Variants in ARHGAP26 observed in about 807,000 individuals in gnomAD.
ARHGAP26 encodes Rho GTPase activating protein 26, also known as rho GTPase-activating protein 26.
In ARHGAP26, 38 loss-of-function variants were observed where a neutral mutation model predicts 104.8. The ratio of observed to expected loss-of-function variants is 0.36; its 90% CI spans 0.28 to 0.48. The LOEUF is 0.48. ARHGAP26 is among the 20% of genes least tolerant of loss of function. The probability of loss-of-function intolerance (pLI) is 0.99; values close to 1 mark genes in which losing one functional copy is unlikely to be tolerated. For missense variants in ARHGAP26, 704 were observed against 947.9 expected, an observed-to-expected ratio of 0.74 and a Z score of 3.38; for synonymous variants, 341 against 340.0, an observed-to-expected ratio of 1.00 and a Z score of -0.03.
At chr5:143,191,124 C>G (rs1009293615) in intron 20 of ARHGAP26, among the ~76,000 whole-genome samples, 5 of 152,152 alleles carry the variant, frequency 3.3e-5, no homozygotes, top group Non-Finnish European at 5.9e-5. Flanking sequence ...TTGCACAGCT[C>G]CATCAGTATT....
chr5:143,015,774 A>G (rs542771000), intron 12 of ARHGAP26, among the ~76,000 whole-genome samples: 1 of 152,352 alleles, frequency 6.6e-6, no homozygotes, highest in East Asian at 1.9e-4. Flanking sequence ...ACCAGCCAGA[A>G]GTTTACTTTT....
chr5:142,910,366 T>C (rs997049221), intron 9 of ARHGAP26, among the ~76,000 whole-genome samples: 2 of 152,208 alleles, frequency 1.3e-5, no homozygotes, highest in Non-Finnish European at 2.9e-5. Context: ...GAAGGAAATA[T>C]GAGGACTGGC....
At chr5:143,187,857 G>C (rs74382769) in intron 20 of ARHGAP26, among the ~76,000 whole-genome samples, 3,477 of 152,304 alleles carry the variant, frequency 0.023, 65 homozygotes, top group South Asian at 0.047. Flanking sequence ...ACTTCGTGTT[G>C]TTGCTATGTC....
chr5:143,059,069 G>T (rs1171016895), intron 17 of ARHGAP26, among the ~76,000 whole-genome samples: 1 of 152,248 alleles, frequency 6.6e-6, no homozygotes, highest in African/African-American at 2.4e-5. Flanking sequence ...TGACAGTTGA[G>T]TACCAGTTCC....
chr5:143,039,311 G>A (rs999232234), intron 13 of ARHGAP26, among the ~76,000 whole-genome samples: 4 of 151,362 alleles, frequency 2.6e-5, no homozygotes, highest in Non-Finnish European at 5.9e-5. Flanking sequence ...AGGTTCAAGC[G>A]ATTCTCCTAC....
chr5:143,173,546 C>T (rs555115533), intron 20 of ARHGAP26, among the ~76,000 whole-genome samples: 85 of 152,344 alleles, frequency 5.6e-4, no homozygotes, highest in African/African-American at 1.9e-3. Flanking sequence ...AATTCAGGCA[C>T]TTCGCTTCGC....
intron 11 of ARHGAP26, among the ~76,000 whole-genome samples, chr5:142,936,430 A>G (rs1197575888): frequency 1.3e-5 from 2 of 152,198 alleles, no homozygotes; most frequent in Non-Finnish European, 2.9e-5. Context: ...AAATCAACAT[A>G]GTAAAGATGT....
intron 1 of ARHGAP26, among the ~76,000 whole-genome samples, chr5:142,824,138 ATG>A (rs139907602): frequency 3.3e-5 from 5 of 151,004 alleles, no homozygotes; most frequent in East Asian, 1.9e-4. Context: ...TGTTGTGTGT[ATG>A]TGTGTGTGTG....
intron 11 of ARHGAP26, among the ~76,000 whole-genome samples, chr5:142,949,727 T>G (rs1277935716): frequency 6.6e-6 from 1 of 152,116 alleles, no homozygotes; most frequent in Non-Finnish European, 1.5e-5. Context: ...GGAATGTGAA[T>G]GAGCCAACTA....
At chr5:143,040,205 A>G (rs1783252273) in intron 13 of ARHGAP26, among the ~76,000 whole-genome samples, 1 of 152,214 alleles carries the variant, frequency 6.6e-6, no homozygotes, top group Admixed American at 6.5e-5. Flanking sequence ...CTTGGGACCC[A>G]TCACTTAGTT....
At chr5:142,806,976 G>A (rs1763107080) in intron 1 of ARHGAP26, among the ~76,000 whole-genome samples, 1 of 152,234 alleles carries the variant, frequency 6.6e-6, no homozygotes, top group African/African-American at 2.4e-5. Flanking sequence ...GATCCAAAGT[G>A]TGAAGGGAGC....
intron 1 of ARHGAP26, among the ~76,000 whole-genome samples, chr5:142,829,566 T>TGAGGTGTAGTGTGATATAATTG (rs1767986929): frequency 6.6e-6 from 1 of 152,094 alleles, no homozygotes; most frequent in African/African-American, 2.4e-5. Flanking sequence ...GTGGAGAGGG[T>TGAGGTGTAGTGTGATATAATTG]GAGGTGCAGT....
At chr5:143,106,620 G>T (rs2005205) in intron 17 of ARHGAP26, among the ~76,000 whole-genome samples, 118,756 of 151,338 alleles carry the variant, frequency 0.78, 49,565 homozygotes, top group Non-Finnish European at 0.92. Context: ...CTACAGGCAC[G>T]TGGCACCACG....
In ARHGAP26 at chr5:142,789,120, T is replaced by A. The variant is rs76602257; in HGVS notation, c.154+18205T>A. On this transcript the variant is annotated intron_variant, in intron 1 of 22. Transcript: ENST00000645722. ...CCCTTAAATCTTCTGTTTTCTCATT[T>A]ACAAAATGGAGACACAAGTGCTTAC... Among the ~76,000 whole-genome samples, 1,460 of 152,338 alleles carry A rather than the reference T, an allele frequency of 9.6e-3. 31 individuals are homozygous for A. The highest frequency in any genetic ancestry group is 0.033 in the African/African-American group (1,392 of 41,582).
At chr5:142,867,288 G>GGGGT (rs1274982027) in intron 1 of ARHGAP26, among the ~76,000 whole-genome samples, 2 of 143,596 alleles carry the variant, frequency 1.4e-5, no homozygotes, top group African/African-American at 5.1e-5. Context: ...ATTTGCACAG[G>GGGGT]GTGTGTGTGT....
intron 14 of ARHGAP26, among the ~76,000 whole-genome samples, chr5:143,049,725 C>T (rs1784730683): frequency 6.6e-6 from 1 of 152,168 alleles, no homozygotes; most frequent in South Asian, 2.1e-4. Flanking sequence ...GGGTATTGTA[C>T]ATAATTTGAG....
intron 1 of ARHGAP26, among the ~76,000 whole-genome samples, chr5:142,793,390 C>T (rs1760292874): frequency 6.6e-6 from 1 of 150,456 alleles, no homozygotes; most frequent in Non-Finnish European, 1.5e-5. Context: ...GGTCCCAGCT[C>T]TAATCTGATC....
intron 3 of ARHGAP26, among the ~76,000 whole-genome samples, chr5:142,878,541 G>A (rs941206107): frequency 1.7e-5 from 2 of 116,958 alleles, no homozygotes; most frequent in African/African-American, 4.6e-5. Context: ...GTGTGTGCAC[G>A]CATGTGTGTG....
chr5:142,955,266 T>C (rs830297), intron 11 of ARHGAP26, among the ~76,000 whole-genome samples: 73,979 of 151,814 alleles, frequency 0.49, 22,343 homozygotes, highest in East Asian at 0.91. Context: ...TTACCACTGC[T>C]CTCCAGACTG....
Sources: gnomAD v4.1 joint callset for allele counts (sites outside exome capture counted in the v4.1 genomes callset) on GRCh38, gnomAD v4.1.1 for gene constraint, MANE v1.5 for transcripts, NCBI Gene and HGNC (gene_info 2026-07-23, HGNC 2026-07-21) for gene names.